PTPRD: variants seen among roughly 807,000 people sequenced by gnomAD.
The protein encoded by PTPRD is receptor-type tyrosine-protein phosphatase delta.
PTPRD carries 34 observed loss-of-function variants against 214.5 expected under a neutral mutation model. The observed-to-expected ratio is 0.16, with a 90% CI of 0.12 to 0.21. PTPRD has a LOEUF of 0.21. PTPRD is among the 10% of genes least tolerant of loss of function. The pLI is 1.00. For missense variants in PTPRD, 2,545 were observed against 2,398.7 expected (o/e 1.06, Z -1.27); for synonymous variants, 1,128 against 845.7 (o/e 1.33, Z -5.79).
chr9:8,603,990 A>C (rs2095044215), intron 14 of PTPRD, among the ~76,000 whole-genome samples: 2 of 152,350 alleles, frequency 1.3e-5, no homozygotes, highest in South Asian at 4.1e-4. Flanking sequence ...AACACAATAT[A>C]GCTATTCTCA....
At chr9:9,338,495 T>G (rs2137096902) in intron 9 of PTPRD, among the ~76,000 whole-genome samples, 1 of 152,328 alleles carries the variant, frequency 6.6e-6, no homozygotes, top group Non-Finnish European at 1.5e-5. Context: ...TTTTTAAATC[T>G]AATGTTTTTA....
chr9:9,477,757 G>C (rs749880320), intron 8 of PTPRD, among the ~76,000 whole-genome samples: 8 of 152,120 alleles, frequency 5.3e-5, no homozygotes, highest in Non-Finnish European at 1.0e-4. Context: ...ATGTAATAAT[G>C]ATAATGAGAT....
chr9:10,463,613 A>G (rs2098973669), intron 2 of PTPRD, among the ~76,000 whole-genome samples: 1 of 151,536 alleles, frequency 6.6e-6, no homozygotes, highest in African/African-American at 2.5e-5. Flanking sequence ...TTTCAAGGAA[A>G]AAGAGGGTTT....
At chr9:9,890,317 C>T (rs576156089) in intron 5 of PTPRD, among the ~76,000 whole-genome samples, 14 of 151,984 alleles carry the variant, frequency 9.2e-5, no homozygotes, top group African/African-American at 3.4e-4. Context: ...CCACCACAGC[C>T]TCCCCAATAC....
At chr9:9,204,487 G>A (rs1225741788) in intron 9 of PTPRD, among the ~76,000 whole-genome samples, 1 of 152,062 alleles carries the variant, frequency 6.6e-6, no homozygotes, top group African/African-American at 2.4e-5. Flanking sequence ...GAGTTTCCTA[G>A]CCTCTAAGCA....
intron 9 of PTPRD, among the ~76,000 whole-genome samples, chr9:9,234,253 G>A (rs1391173100): frequency 1.3e-5 from 2 of 152,180 alleles, no homozygotes; most frequent in South Asian, 2.1e-4. Flanking sequence ...CTGAAGCCAT[G>A]TCCCATGCTA....
intron 10 of PTPRD, among the ~76,000 whole-genome samples, chr9:9,112,973 T>G (rs1303794444): frequency 6.6e-6 from 1 of 151,726 alleles, no homozygotes; most frequent in African/African-American, 2.4e-5. Flanking sequence ...TTTTTCTTTT[T>G]TTTTTGTTTG....
chr9:9,149,919 G>T (rs2154487119), intron 10 of PTPRD, among the ~76,000 whole-genome samples: 1 of 152,282 alleles, frequency 6.6e-6, no homozygotes, highest in East Asian at 1.9e-4. Context: ...TGAGGACTTA[G>T]AGCTTAGTAT....
At chr9:9,673,892 T>C (rs573474313) in intron 7 of PTPRD, among the ~76,000 whole-genome samples, 1 of 151,786 alleles carries the variant, frequency 6.6e-6, no homozygotes, top group African/African-American at 2.4e-5. Flanking sequence ...ATACTTAAAG[T>C]ACTCGATAGA....
intron 7 of PTPRD, among the ~76,000 whole-genome samples, chr9:9,700,412 T>C (rs935552835): frequency 6.6e-6 from 1 of 152,138 alleles, no homozygotes; most frequent in African/African-American, 2.4e-5. Flanking sequence ...TTCTGTAATA[T>C]GGTAATTTTA....
intron 11 of PTPRD, among the ~76,000 whole-genome samples, chr9:8,906,733 G>T (rs2098710483): frequency 6.6e-6 from 1 of 151,836 alleles, no homozygotes; most frequent in Admixed American, 6.6e-5. Flanking sequence ...ATTATGTTGG[G>T]GAGCTCTCCC....
intron 4 of PTPRD, among the ~76,000 whole-genome samples, chr9:9,995,293 AT>A (rs1379464334): frequency 6.6e-6 from 1 of 152,124 alleles, no homozygotes; most frequent in Non-Finnish European, 1.5e-5. Flanking sequence ...TGTCTTCCCA[AT>A]ATTTGCAGAT....
At position 8,706,185 on chromosome 9, in the gene PTPRD, A is replaced by G. The variant is rs184272787; in HGVS notation, c.64+27595T>C. Among the ~76,000 whole-genome samples the G allele has an allele frequency of 2.5e-3, 374 of 152,340 alleles. 3 individuals are homozygous for G. Among genetic ancestry groups the G allele is most frequent in the African/African-American group, 6.5e-3 (272 of 41,568 alleles). Reference sequence around the variant, plus strand: ...AGAAAGAACACTGAATTAAAAAAAAAGAAAACTGCCTCGTTTCCAAGGGAT... The same window carrying G: ...AGAAAGAACACTGAATTAAAAAAAAGGAAAACTGCCTCGTTTCCAAGGGAT... On this transcript the variant is annotated intron_variant, in intron 12 of 45. Transcript: ENST00000381196.
At chr9:9,437,900 G>A (rs2085964171) in intron 8 of PTPRD, among the ~76,000 whole-genome samples, 2 of 152,146 alleles carry the variant, frequency 1.3e-5, no homozygotes, top group African/African-American at 4.8e-5. Context: ...ATTAGTGGGA[G>A]GCTAACTCAA....
chr9:9,222,206 T>C (rs1238571783), intron 9 of PTPRD, among the ~76,000 whole-genome samples: 2 of 152,070 alleles, frequency 1.3e-5, no homozygotes, highest in South Asian at 2.1e-4. Flanking sequence ...TTTGTTACTA[T>C]AGCCTGTGAT....
intron 2 of PTPRD, among the ~76,000 whole-genome samples, chr9:10,564,504 G>C (rs532690691): frequency 6.6e-6 from 1 of 151,830 alleles, no homozygotes; most frequent in South Asian, 2.1e-4. Flanking sequence ...TCCTGGAAGT[G>C]GCCATATTAG....
chr9:10,472,480 C>G (rs997712569), intron 2 of PTPRD, among the ~76,000 whole-genome samples: 1 of 149,170 alleles, frequency 6.7e-6, no homozygotes, highest in African/African-American at 2.6e-5. Flanking sequence ...ATTCTTGAGG[C>G]AGGTTGGAGT....
chr9:10,352,742 T>C (rs965279777), intron 2 of PTPRD, among the ~76,000 whole-genome samples: 6 of 152,010 alleles, frequency 3.9e-5, no homozygotes, highest in Non-Finnish European at 8.8e-5. Context: ...TATTGCTCTA[T>C]ATACTCACTA....
chr9:10,353,338 T>C (rs1427838801), intron 2 of PTPRD, among the ~76,000 whole-genome samples: 4 of 151,960 alleles, frequency 2.6e-5, no homozygotes, highest in Non-Finnish European at 5.9e-5. Context: ...AAGGACAAAA[T>C]CTAATGCTTT....
Sources: allele counts gnomAD v4.1 joint callset (sites outside exome capture counted in the v4.1 genomes callset), GRCh38; gene constraint gnomAD v4.1.1; transcripts MANE v1.5; gene names NCBI Gene and HGNC (gene_info 2026-07-23, HGNC 2026-07-21).